The following SHLD2 variants were observed in gnomAD, a reference collection of about 807,000 sequenced individuals.
The protein encoded by SHLD2 is RINN1-REV7-interacting novel NHEJ regulator 2.
Under a neutral mutation model 73.2 loss-of-function variants are expected in SHLD2, and 30 were observed. That is an observed-to-expected ratio of 0.41 (90% CI 0.31 to 0.56). The LOEUF is 0.56. Ranked by LOEUF, SHLD2 falls within the 20% of genes least tolerant of loss-of-function variation. The probability of loss-of-function intolerance (pLI) is 0.28; values close to 1 mark genes in which losing one functional copy is unlikely to be tolerated. For synonymous variants in SHLD2, 285 were observed against 370.1 expected (o/e 0.77, Z 2.64); for missense variants, 745 against 1,055.9 (o/e 0.71, Z 4.08).
At chr10:87,186,715 A>G (rs1665275161) in intron 8 of SHLD2, among the ~76,000 whole-genome samples, 1 of 152,230 alleles carries the variant, frequency 6.6e-6, no homozygotes, top group African/African-American at 2.4e-5. Flanking sequence ...AAAACAGTTT[A>G]TTTCTGATAG....
chr10:87,164,304 G>A (rs1847042377), intron 4 of SHLD2, among the ~76,000 whole-genome samples: 1 of 151,530 alleles, frequency 6.6e-6, no homozygotes, highest in African/African-American at 2.4e-5. Context: ...CCAGTCTAGA[G>A]TACAGTGGTG....
intron 8 of SHLD2, among the ~76,000 whole-genome samples, chr10:87,185,796 G>A (rs1248952151): frequency 6.6e-6 from 1 of 152,140 alleles, no homozygotes; most frequent in Non-Finnish European, 1.5e-5. Flanking sequence ...ATATCTAGTT[G>A]TCCCAGCGTG....
chr10:87,125,171 C>T (rs1843905102), intron 2 of SHLD2, among the ~76,000 whole-genome samples: 1 of 152,146 alleles, frequency 6.6e-6, no homozygotes, highest in Non-Finnish European at 1.5e-5. Flanking sequence ...ACTCATATCT[C>T]ATTTAAGGTG....
intron 2 of SHLD2, among the ~76,000 whole-genome samples, chr10:87,149,611 T>C (rs1845869701): frequency 6.6e-6 from 1 of 151,992 alleles, no homozygotes; most frequent in South Asian, 2.1e-4. Flanking sequence ...TAATCTCAGC[T>C]ACTCGGTAGG....
chr10:87,190,022 T>C (rs1243495429), intron 9 of SHLD2, among the ~76,000 whole-genome samples: 2 of 152,138 alleles, frequency 1.3e-5, no homozygotes, highest in Admixed American at 1.3e-4. Context: ...CAATAGCTTG[T>C]AACTAGAAAG....
intron 4 of SHLD2, among the ~76,000 whole-genome samples, chr10:87,158,400 G>C (rs1401107533): frequency 6.6e-6 from 1 of 152,094 alleles, no homozygotes; most frequent in Non-Finnish European, 1.5e-5. Context: ...GTATAGTGGT[G>C]GTTCTTCACC....
chr10:87,152,085 G>T lies in SHLD2; in HGVS notation c.731G>T (p.Ser244Ile). 1 of 1,611,902 alleles carries T rather than the reference G, an allele frequency of 6.2e-7. No individual in the cohort carries two copies. Among genetic ancestry groups the T allele is most frequent in the East Asian group, 2.2e-5 (1 of 44,866 alleles). ...ATATCAACTGATACAGAATTTCTCA[G>T]TATAATTACCTCCAGCCAGGTTGCT... ...LKISTDTEFL[S>I]IITSSQVAFL... Residue 244 changes from serine to isoleucine, a missense_variant, in exon 3 of 10, where the codon AGT becomes ATT. Transcript: ENST00000298786.
At chr10:87,125,731 C>A (rs1037368714) in intron 2 of SHLD2, among the ~76,000 whole-genome samples, 8 of 151,622 alleles carry the variant, frequency 5.3e-5, no homozygotes, top group Non-Finnish European at 1.2e-4. Flanking sequence ...GAGTGAAACT[C>A]CATTTCAAAA....
intron 6 of SHLD2, among the ~76,000 whole-genome samples, chr10:87,172,367 A>AG (rs2134595284): frequency 6.6e-6 from 1 of 152,298 alleles, no homozygotes; most frequent in African/African-American, 2.4e-5. Context: ...GATTCAAAAA[A>AG]CTGTGATCAG....
intron 4 of SHLD2, among the ~76,000 whole-genome samples, chr10:87,162,821 G>C (rs1432428668): frequency 2.6e-5 from 4 of 152,130 alleles, no homozygotes; most frequent in Admixed American, 2.0e-4. Context: ...TTAAAAAAAA[G>C]CACATTCTGT....
intron 8 of SHLD2, among the ~76,000 whole-genome samples, chr10:87,183,553 C>T (rs1848438034): frequency 6.6e-6 from 1 of 152,200 alleles, no homozygotes; most frequent in Admixed American, 6.5e-5. Flanking sequence ...ATTACATCTC[C>T]CTCTTGTCCC....
At chr10:87,180,388 A>G (rs1268391723) in intron 8 of SHLD2, 85 bp downstream of exon 8, 2 of 1,515,180 alleles carry the variant, frequency 1.3e-6, no homozygotes, top group Non-Finnish European at 1.8e-6. Flanking sequence ...ACTTTCTAAA[A>G]ATAATTAACT....
intron 2 of SHLD2, among the ~76,000 whole-genome samples, chr10:87,121,586 CTG>C (rs1473808889): frequency 3.3e-5 from 5 of 151,846 alleles, no homozygotes; most frequent in Admixed American, 2.0e-4. Flanking sequence ...TAAGTGGAAA[CTG>C]TTGTTTAATT....
intron 2 of SHLD2, among the ~76,000 whole-genome samples, chr10:87,100,979 C>T (rs1379797317): frequency 2.6e-5 from 4 of 152,204 alleles, no homozygotes; most frequent in Non-Finnish European, 5.9e-5. Context: ...AACAATATTA[C>T]ATCTTCTGAT....
At chr10:87,131,687 T>G (rs1589505094) in intron 2 of SHLD2, among the ~76,000 whole-genome samples, 1 of 152,192 alleles carries the variant, frequency 6.6e-6, no homozygotes, top group East Asian at 1.9e-4. Context: ...ATGTACAATT[T>G]TTTGGGGTGA....
intron 2 of SHLD2, among the ~76,000 whole-genome samples, chr10:87,110,450 A>G (rs1842849207): frequency 6.6e-6 from 1 of 152,042 alleles, no homozygotes; most frequent in Non-Finnish European, 1.5e-5. Flanking sequence ...TACTCAAAAT[A>G]CAAAAAATTA....
chr10:87,117,596 C>T lies in SHLD2; in HGVS notation c.-6+20607C>T, dbSNP rs538245223. Among the ~76,000 whole-genome samples, 363 of 152,260 alleles carry T rather than the reference C, an allele frequency of 2.4e-3. 3 individuals carry two copies. Among genetic ancestry groups the T allele is most frequent in the Non-Finnish European group, 3.9e-3 (268 of 68,022 alleles). ...CTGGCTTGAGCCCAGGAGTTTGAAA[C>T]CAGCCTGGGCAACATGGCAAAACCT... On this transcript the variant is annotated intron_variant, in intron 2 of 9. Transcript: ENST00000298786.
intron 2 of SHLD2, among the ~76,000 whole-genome samples, chr10:87,121,674 G>C (rs1843629040): frequency 6.6e-6 from 1 of 151,812 alleles, no homozygotes; most frequent in Non-Finnish European, 1.5e-5. Context: ...GGAACATTGT[G>C]AACGAATGTT....
At chr10:87,186,606 G>A (rs1848635162) in intron 8 of SHLD2, among the ~76,000 whole-genome samples, 1 of 135,310 alleles carries the variant, frequency 7.4e-6, no homozygotes, top group Non-Finnish European at 1.6e-5. Flanking sequence ...TTCCCTAATA[G>A]CACTTGCAAA....
Sources: gnomAD v4.1 joint callset for allele counts (sites outside exome capture counted in the v4.1 genomes callset) on GRCh38, gnomAD v4.1.1 for gene constraint, MANE v1.5 for transcripts, NCBI Gene and HGNC (gene_info 2026-07-23, HGNC 2026-07-21) for gene names.